The following LDLRAD3 variants were observed in gnomAD, a reference collection of about 807,000 sequenced individuals.
LDLRAD3 encodes the protein low-density lipoprotein receptor class A domain-containing protein 3.
LDLRAD3 carries 20 observed loss-of-function variants against 29.4 expected under a neutral mutation model. The ratio of observed to expected loss-of-function variants is 0.68; its 90% CI spans 0.48 to 0.99. LDLRAD3 has a LOEUF of 0.99. LDLRAD3 is among the 50% of genes least tolerant of loss of function. The pLI, the probability that LDLRAD3 is intolerant of heterozygous loss-of-function variation, is 0.00. For synonymous variants in LDLRAD3, 157 were observed against 192.7 expected, an observed-to-expected ratio of 0.81 and a Z score of 1.53; for missense variants, 420 against 454.3, an observed-to-expected ratio of 0.92 and a Z score of 0.69.
intron 4 of LDLRAD3, among the ~76,000 whole-genome samples, chr11:36,172,729 T>C (rs937147621): frequency 1.3e-5 from 2 of 152,200 alleles, no homozygotes; most frequent in Non-Finnish European, 2.9e-5. Flanking sequence ...TTCAGTTAGC[T>C]ATCATTTTGT....
intron 4 of LDLRAD3, among the ~76,000 whole-genome samples, chr11:36,191,786 GAA>G (rs1176443539): frequency 6.6e-6 from 1 of 151,414 alleles, no homozygotes; most frequent in African/African-American, 2.4e-5. Flanking sequence ...TTCCCAGGAA[GAA>G]AAGTGTTCAA....
At chr11:35,986,094 A>G (rs1851611886) in intron 1 of LDLRAD3, among the ~76,000 whole-genome samples, 1 of 151,918 alleles carries the variant, frequency 6.6e-6, no homozygotes, top group Non-Finnish European at 1.5e-5. Flanking sequence ...TCATATCCCA[A>G]GCATTTGTTG....
rs11033371 is a variant in LDLRAD3, at chr11:36,006,500, C to T, written c.47-29603C>T. 2.2e-3 allele frequency among the ~76,000 whole-genome samples: 330 copies of T among 152,264 alleles called. 1 individual carries two copies. Among genetic ancestry groups the T allele is most frequent in the South Asian group, 3.9e-3 (19 of 4,824 alleles). On this transcript the variant is annotated intron_variant, in intron 1 of 5. Transcript: ENST00000315571. ...GAATGGATGTGTGATGGTGGTTCACCCTCCCCGAATCCCAGACTGGGCACC... is the reference window on the plus strand; with the variant it reads ...GAATGGATGTGTGATGGTGGTTCACTCTCCCCGAATCCCAGACTGGGCACC...
At chr11:35,991,835 C>A (rs755803193) in intron 1 of LDLRAD3, among the ~76,000 whole-genome samples, 2 of 149,686 alleles carry the variant, frequency 1.3e-5, no homozygotes, top group Non-Finnish European at 2.9e-5. Flanking sequence ...AGTCACATTG[C>A]ATGCAGAGCA....
chr11:36,191,576 CTATATATA>C (rs71310173), intron 4 of LDLRAD3, among the ~76,000 whole-genome samples: 6 of 53,436 alleles, frequency 1.1e-4, no homozygotes, highest in African/African-American at 1.7e-4. Context: ...CTCTCTCTCT[CTATATATA>C]TATATATATA....
At chr11:36,221,890 T>C (rs1855433906) in intron 4 of LDLRAD3, among the ~76,000 whole-genome samples, 1 of 152,172 alleles carries the variant, frequency 6.6e-6, no homozygotes, top group African/African-American at 2.4e-5. Context: ...TTTTTCCCCT[T>C]ATTTATATAT....
chr11:36,215,834 CA>C, intron 4 of LDLRAD3, among the ~76,000 whole-genome samples: 1 of 152,288 alleles, frequency 6.6e-6, no homozygotes, highest in East Asian at 1.9e-4. Flanking sequence ...TGTGCACACT[CA>C]GCATTTCCCC....
intron 2 of LDLRAD3, among the ~76,000 whole-genome samples, chr11:36,070,131 T>C (rs1186667569): frequency 3.3e-5 from 5 of 152,214 alleles, no homozygotes; most frequent in Non-Finnish European, 4.4e-5. Context: ...CAGCTTCGCT[T>C]TTGAATCCCC....
chr11:36,092,504 CT>C (rs780601379), intron 3 of LDLRAD3, among the ~76,000 whole-genome samples: 2 of 152,270 alleles, frequency 1.3e-5, no homozygotes, highest in East Asian at 3.9e-4. Flanking sequence ...TTCTCTTCAT[CT>C]CTTTATCTTC....
At chr11:36,064,478 A>AT (rs1852758295) in intron 2 of LDLRAD3, among the ~76,000 whole-genome samples, 1 of 125,744 alleles carries the variant, frequency 8.0e-6, no homozygotes, top group African/African-American at 2.8e-5. Context: ...CTGGCTAATT[A>AT]ATTTTTTTTT....
At chr11:35,956,972 T>C (rs1370290712) in intron 1 of LDLRAD3, among the ~76,000 whole-genome samples, 1 of 152,230 alleles carries the variant, frequency 6.6e-6, no homozygotes, top group Non-Finnish European at 1.5e-5. Flanking sequence ...CCTGACCTCG[T>C]GATCCGCCTG....
intron 4 of LDLRAD3, among the ~76,000 whole-genome samples, chr11:36,206,169 T>C (rs187679842): frequency 6.6e-6 from 1 of 152,336 alleles, no homozygotes; most frequent in Non-Finnish European, 1.5e-5. Context: ...TCTTGAAATA[T>C]CGAGTGGTGA....
chr11:36,161,761 C>A (rs539913606), intron 4 of LDLRAD3, among the ~76,000 whole-genome samples: 1 of 152,308 alleles, frequency 6.6e-6, no homozygotes, highest in South Asian at 2.1e-4. Flanking sequence ...CAACACATCT[C>A]CCAGCTTACA....
intron 1 of LDLRAD3, chr11:35,972,690 T>G (rs1160303772): frequency 6.6e-6 from 1 of 152,218 alleles, no homozygotes; most frequent in East Asian, 1.9e-4. Context: ...CTACAAATTA[T>G]ATGTATTTAT....
chr11:36,193,160 G>A (rs1263040984), intron 4 of LDLRAD3, among the ~76,000 whole-genome samples: 1 of 152,180 alleles, frequency 6.6e-6, no homozygotes, highest in Non-Finnish European at 1.5e-5. Context: ...TAAAATGGGG[G>A]TAATGCTGCA....
chr11:35,968,229 G>T, intron 1 of LDLRAD3: 1 of 405,516 alleles, frequency 2.5e-6, no homozygotes. Context: ...ATAGGACTTT[G>T]GGGTGAAGGG....
chr11:36,225,497 G>T (rs777952655), intron 4 of LDLRAD3, among the ~76,000 whole-genome samples: 1 of 152,108 alleles, frequency 6.6e-6, no homozygotes, highest in Non-Finnish European at 1.5e-5. Context: ...GCAACCTGCA[G>T]GGGTGGGATG....
chr11:36,118,384 T>C (rs10501144), intron 4 of LDLRAD3, among the ~76,000 whole-genome samples: 89,129 of 151,780 alleles, frequency 0.59, 28,160 homozygotes, highest in Admixed American at 0.7. Flanking sequence ...AATTAACTTA[T>C]GGTGTAGTGA....
At chr11:36,170,889 C>T (rs1287092095) in intron 4 of LDLRAD3, among the ~76,000 whole-genome samples, 1 of 151,846 alleles carries the variant, frequency 6.6e-6, no homozygotes, top group Non-Finnish European at 1.5e-5. Flanking sequence ...GAAACCTCCG[C>T]CTCCTGAGTT....
Sources: gnomAD v4.1 joint callset for allele counts (sites outside exome capture counted in the v4.1 genomes callset) on GRCh38, gnomAD v4.1.1 for gene constraint, MANE v1.5 for transcripts, NCBI Gene and HGNC (gene_info 2026-07-23, HGNC 2026-07-21) for gene names.